The following DMD variants were observed in gnomAD, a reference collection of about 807,000 sequenced individuals.
DMD encodes dystrophin.
In DMD, 63 loss-of-function variants were observed where a neutral mutation model predicts 330.1. The ratio of observed to expected loss-of-function variants is 0.19; its 90% confidence interval spans 0.16 to 0.24. The LOEUF (loss-of-function observed/expected upper bound fraction) is 0.24, where lower values mean the gene tolerates loss of function less well. Ranked by LOEUF, DMD falls within the 10% of genes least tolerant of loss-of-function variation. The probability of loss-of-function intolerance (pLI) is 1.00; values close to 1 mark genes in which losing one functional copy is unlikely to be tolerated. For synonymous variants in DMD, 1,223 were observed against 959.8 expected (o/e 1.27, Z -5.07); for missense variants, 3,344 against 2,684.1 (o/e 1.25, Z -5.43).
chrX:31,262,571 G>C (rs1316224443), intron 62 of DMD, among the ~76,000 whole-genome samples: 2 of 112,415 alleles, frequency 1.8e-5, no homozygotes, highest in Admixed American at 9.4e-5. Flanking sequence ...GTGAAGTGCT[G>C]TTTCACTGTC....
intron 62 of DMD, among the ~76,000 whole-genome samples, chrX:31,286,778 A>C (rs888821577): frequency 8.9e-6 from 1 of 112,011 alleles, no homozygotes; most frequent in African/African-American, 3.2e-5. Flanking sequence ...TTTTTGAGAC[A>C]GAGTCTCACT....
intron 63 of DMD, among the ~76,000 whole-genome samples, chrX:31,240,562 C>G (rs2147295588): frequency 9.0e-6 from 1 of 111,147 alleles, no homozygotes; most frequent in African/African-American, 3.3e-5. Context: ...ACCCGCTGTC[C>G]TTCAGGAGAG....
chrX:31,261,623 G>T lies in DMD; in HGVS notation c.9225-607C>A, dbSNP rs35710613. The stretch of plus-strand genomic sequence containing the variant: ...ATTTCAGAGTGTTTTTTCTTTAAAC[G>T]CAGTACGCTATACACCACTACACCT... On this transcript the variant is annotated intron_variant, in intron 62 of 78. Coordinates refer to ENST00000357033, the MANE Select transcript of DMD (RefSeq NM_004006.3). The T allele has an allele frequency of 0.014, 1,646 of 116,961 alleles. 25 individuals carry two copies. The highest frequency in any genetic ancestry group is 0.051 in the African/African-American group (1,555 of 30,501). The allele number at this position is 116,961 out of a possible 1,213,427, so 9.6% of individuals were successfully genotyped here.
chrX:32,892,816 G>C (rs1189295999), intron 2 of DMD, among the ~76,000 whole-genome samples: 1 of 111,962 alleles, frequency 8.9e-6, no homozygotes, highest in Non-Finnish European at 1.9e-5. Context: ...GGCACATTCT[G>C]TCTCTCTGGC....
intron 1 of DMD, among the ~76,000 whole-genome samples, chrX:33,263,250 C>T (rs2050073): frequency 0.61 from 66,758 of 108,741 alleles, 17,608 homozygotes; most frequent in Non-Finnish European, 0.83. Flanking sequence ...AAGAACTAGT[C>T]TGTATGTTTA....
rs188778984 is a variant in DMD at position 33,081,857 on chromosome X, C to T, written c.32-61657G>A. 2.5e-3 allele frequency among the ~76,000 whole-genome samples: 280 copies of T among 111,295 alleles called. 1 individual carries two copies. The highest frequency in any genetic ancestry group is 8.9e-3 in the African/African-American group (269 of 30,386). On this transcript the variant is annotated intron_variant, in intron 1 of 78. Transcript: ENST00000357033. Reference sequence around the variant, plus strand: ...AATGTGAAGTAATTTCTGATATCCCCAAAACTCAAAACCATCAGATAACAC... The same window carrying T: ...AATGTGAAGTAATTTCTGATATCCCTAAAACTCAAAACCATCAGATAACAC...
chrX:32,479,955 T>C (rs1315583009), intron 21 of DMD, among the ~76,000 whole-genome samples: 1 of 110,969 alleles, frequency 9.0e-6, no homozygotes, highest in Admixed American at 9.7e-5. Context: ...AGGAAACTAT[T>C]AACAGAGTGA....
At chrX:32,236,515 T>C (rs1351253578) in intron 43 of DMD, among the ~76,000 whole-genome samples, 1 of 111,925 alleles carries the variant, frequency 8.9e-6, no homozygotes, top group Non-Finnish European at 1.9e-5. Context: ...TCCTACATGT[T>C]GTGGGAAGGA....
At chrX:31,740,526 G>A (rs764258104) in intron 51 of DMD, among the ~76,000 whole-genome samples, 134 of 112,333 alleles carry the variant, frequency 1.2e-3, no homozygotes, top group African/African-American at 4.3e-3. Context: ...AATAAAATGA[G>A]GCACACGAAT....
At chrX:32,325,315 A>G (rs991252903) in intron 41 of DMD, among the ~76,000 whole-genome samples, 5 of 111,558 alleles carry the variant, frequency 4.5e-5, no homozygotes, top group African/African-American at 6.5e-5. Flanking sequence ...TAATACTGCA[A>G]TACATTTAAA....
intron 55 of DMD, among the ~76,000 whole-genome samples, chrX:31,554,241 A>C (rs1263726345): frequency 8.9e-6 from 1 of 112,477 alleles, no homozygotes; most frequent in African/African-American, 3.2e-5. Context: ...GTTGAGACTC[A>C]ACTTTGGCTA....
chrX:32,463,685 G>T, intron 24 of DMD, 91 bp from the exon 25 acceptor site: 1 of 808,944 alleles, frequency 1.2e-6, no homozygotes, highest in Non-Finnish European at 1.7e-6. Flanking sequence ...AATTGGGACT[G>T]ATGGCATTGC....
At chrX:32,740,137 A>G (rs1463292333) in intron 7 of DMD, among the ~76,000 whole-genome samples, 2 of 108,897 alleles carry the variant, frequency 1.8e-5, no homozygotes, top group African/African-American at 6.7e-5. Flanking sequence ...GTGCTTTCAC[A>G]TGTTCTCTTG....
chrX:31,222,634 G>A (rs2046220286), intron 64 of DMD, among the ~76,000 whole-genome samples: 1 of 110,452 alleles, frequency 9.1e-6, no homozygotes, highest in South Asian at 3.9e-4. Flanking sequence ...TAGCATTCAA[G>A]CTAATAAACC....
At chrX:31,937,809 C>G (rs182063208) in intron 45 of DMD, among the ~76,000 whole-genome samples, 1 of 112,048 alleles carries the variant, frequency 8.9e-6, no homozygotes, top group African/African-American at 3.2e-5. Context: ...TTTATTCAGA[C>G]AAGTGGTAGT....
At chrX:31,836,942 G>GCA (rs2093213127) in intron 48 of DMD, 123 bp from the exon 49 acceptor site, 4 of 550,270 alleles carry the variant, frequency 7.3e-6, no homozygotes, top group Non-Finnish European at 1.2e-5. Context: ...GTACATAAGG[G>GCA]CACAAAAATG....
chrX:32,138,256 A>C (rs1365678559), intron 44 of DMD, among the ~76,000 whole-genome samples: 1 of 110,771 alleles, frequency 9.0e-6, no homozygotes, highest in African/African-American at 3.3e-5. Flanking sequence ...CTTTTTTTCA[A>C]ATCCTATTTA....
intron 67 of DMD, among the ~76,000 whole-genome samples, chrX:31,197,573 T>C (rs887017514): frequency 4.5e-5 from 5 of 111,697 alleles, no homozygotes; most frequent in Non-Finnish European, 9.4e-5. Context: ...ATTCAGAAGA[T>C]AGATGGAAAA....
chrX:32,979,999 C>T (rs2092660471), intron 2 of DMD, among the ~76,000 whole-genome samples: 1 of 111,273 alleles, frequency 9.0e-6, no homozygotes, highest in African/African-American at 3.3e-5. Context: ...CAGTAATGGA[C>T]AGCTATTGAA....
Sources: allele counts gnomAD v4.1 joint callset (sites outside exome capture counted in the v4.1 genomes callset), GRCh38; gene constraint gnomAD v4.1.1; transcripts MANE v1.5; gene names NCBI Gene and HGNC (gene_info 2026-07-23, HGNC 2026-07-21).